Variants in NKAIN2 observed in about 807,000 individuals in gnomAD.
NKAIN2 encodes sodium/potassium transporting ATPase interacting 2.
In NKAIN2, 14 loss-of-function variants were observed where a neutral mutation model predicts 32.6. The ratio of observed to expected loss-of-function variants is 0.43; its 90% CI spans 0.28 to 0.67. The LOEUF (loss-of-function observed/expected upper bound fraction) is 0.67, where lower values mean the gene tolerates loss of function less well. Ranked by LOEUF, NKAIN2 falls within the 30% of genes least tolerant of loss-of-function variation. The pLI is 0.17. For missense variants in NKAIN2, 198 were observed against 258.3 expected, an observed-to-expected ratio of 0.77 and a Z score of 1.60; for synonymous variants, 80 against 87.2, an observed-to-expected ratio of 0.92 and a Z score of 0.46.
chr6:124,703,762 T>G (rs1462332771), intron 4 of NKAIN2, among the ~76,000 whole-genome samples: 1 of 151,972 alleles, frequency 6.6e-6, no homozygotes, highest in Non-Finnish European at 1.5e-5. Flanking sequence ...AGAATACAAG[T>G]GTGAGACATA....
intron 1 of NKAIN2, among the ~76,000 whole-genome samples, chr6:123,886,281 TAC>T (rs750456146): frequency 3.3e-5 from 5 of 152,032 alleles, no homozygotes; most frequent in Non-Finnish European, 7.4e-5. Context: ...AAAGAAGAAA[TAC>T]ACACAATGAT....
intron 2 of NKAIN2, among the ~76,000 whole-genome samples, chr6:124,351,340 C>G (rs1227834467): frequency 6.6e-6 from 1 of 151,554 alleles, no homozygotes; most frequent in Non-Finnish European, 1.5e-5. Flanking sequence ...ACTCTCTCTA[C>G]AAAAAATACA....
At chr6:124,687,795 A>C (rs1052831729) in intron 4 of NKAIN2, among the ~76,000 whole-genome samples, 2 of 114,820 alleles carry the variant, frequency 1.7e-5, no homozygotes, top group African/African-American at 3.1e-5. Context: ...CTGTTCTATT[A>C]GTTCTGTCCC....
intron 1 of NKAIN2, among the ~76,000 whole-genome samples, chr6:124,082,401 G>A (rs1178254236): frequency 6.6e-6 from 1 of 151,872 alleles, no homozygotes; most frequent in Non-Finnish European, 1.5e-5. Flanking sequence ...AGTGTAGACA[G>A]GCATGTGAGA....
At chr6:124,687,187 A>G (rs946873309) in intron 4 of NKAIN2, among the ~76,000 whole-genome samples, 2 of 147,518 alleles carry the variant, frequency 1.4e-5, no homozygotes, top group Admixed American at 1.4e-4. Context: ...CCATATACAT[A>G]TATACATATG....
chr6:124,672,151 G>A (rs534703390), intron 4 of NKAIN2, among the ~76,000 whole-genome samples: 184 of 152,120 alleles, frequency 1.2e-3, no homozygotes, highest in African/African-American at 4.4e-3. Flanking sequence ...TATTGCTCTA[G>A]GACTCAGAGA....
intron 1 of NKAIN2, among the ~76,000 whole-genome samples, chr6:123,854,916 C>T (rs1157916129): frequency 1.3e-5 from 2 of 152,142 alleles, no homozygotes; most frequent in Non-Finnish European, 2.9e-5. Flanking sequence ...GACAGGACAC[C>T]AGTGACTATT....
At chr6:124,242,278 C>A (rs1214213185) in intron 1 of NKAIN2, among the ~76,000 whole-genome samples, 2 of 152,034 alleles carry the variant, frequency 1.3e-5, no homozygotes, top group African/African-American at 4.8e-5. Flanking sequence ...ATACGGCCAA[C>A]AAACATATGA....
chr6:123,929,051 A>T (rs972228291), intron 1 of NKAIN2, among the ~76,000 whole-genome samples: 4 of 152,176 alleles, frequency 2.6e-5, no homozygotes, highest in Non-Finnish European at 4.4e-5. Context: ...CCTATGTTAG[A>T]AATTAGGATT....
chr6:123,876,458 A>G (rs1773175094), intron 1 of NKAIN2, among the ~76,000 whole-genome samples: 1 of 152,050 alleles, frequency 6.6e-6, no homozygotes, highest in Non-Finnish European at 1.5e-5. Context: ...ATATACATAC[A>G]CACACACACA....
At chr6:124,600,916 A>C (rs1282884519) in intron 3 of NKAIN2, among the ~76,000 whole-genome samples, 6 of 152,108 alleles carry the variant, frequency 3.9e-5, no homozygotes, top group Non-Finnish European at 5.9e-5. Context: ...GACTTATCAG[A>C]CAAAATGATC....
intron 1 of NKAIN2, among the ~76,000 whole-genome samples, chr6:124,025,629 CTG>C (rs1169365046): frequency 6.6e-6 from 1 of 152,042 alleles, no homozygotes. Flanking sequence ...ATCATGATGA[CTG>C]TAGTTAATAA....
intron 4 of NKAIN2, among the ~76,000 whole-genome samples, chr6:124,779,064 C>A (rs1363527473): frequency 1.3e-5 from 2 of 151,880 alleles, no homozygotes; most frequent in Non-Finnish European, 2.9e-5. Context: ...GGCAAAACTT[C>A]CTCTCTACTA....
chr6:124,144,779 A>G (rs1197369125), intron 1 of NKAIN2, among the ~76,000 whole-genome samples: 1 of 152,158 alleles, frequency 6.6e-6, no homozygotes, highest in African/African-American at 2.4e-5. Context: ...ATATGGATAA[A>G]TTGGGCCTAA....
chr6:124,152,630 T>G (rs1201957209), intron 1 of NKAIN2, among the ~76,000 whole-genome samples: 1 of 151,914 alleles, frequency 6.6e-6, no homozygotes, highest in Non-Finnish European at 1.5e-5. Flanking sequence ...GGAAATAGAA[T>G]TACCGTATGA....
intron 3 of NKAIN2, chr6:124,437,871 G>GGTTGTT (rs751652394): frequency 3.0e-6 from 1 of 328,796 alleles, no homozygotes; most frequent in East Asian, 9.7e-5. Flanking sequence ...CTGATCTATT[G>GGTTGTT]ATTTTTTTTT....
At chr6:124,426,799 T>C (rs1252501252) in intron 3 of NKAIN2, among the ~76,000 whole-genome samples, 2 of 152,180 alleles carry the variant, frequency 1.3e-5, no homozygotes, top group Non-Finnish European at 2.9e-5. Flanking sequence ...CAGTGGGTCT[T>C]TCCCATGCCA....
At chr6:124,125,368 T>C (rs1266497477) in intron 1 of NKAIN2, among the ~76,000 whole-genome samples, 1 of 152,182 alleles carries the variant, frequency 6.6e-6, no homozygotes, top group Admixed American at 6.5e-5. Flanking sequence ...CTCTTTATTC[T>C]CTTCTATAAA....
At chr6:124,415,878 C>CTTTTTTT in intron 3 of NKAIN2, among the ~76,000 whole-genome samples, 5,415 of 71,602 alleles carry the variant, frequency 0.076, 514 homozygotes, top group Non-Finnish European at 0.1. Flanking sequence ...TTTTTATTTG[C>CTTTTTTT]TTTTTTTTTT....
Sources: gnomAD v4.1 joint callset for allele counts (sites outside exome capture counted in the v4.1 genomes callset) on GRCh38, gnomAD v4.1.1 for gene constraint, MANE v1.5 for transcripts, NCBI Gene and HGNC (gene_info 2026-07-23, HGNC 2026-07-21) for gene names.